The following SORCS2 variants were observed in gnomAD, a reference collection of about 807,000 sequenced individuals.
SORCS2 encodes the protein sortilin related VPS10 domain containing receptor 2.
SORCS2 carries 100 observed loss-of-function variants against 141.6 expected under a neutral mutation model. That is an observed-to-expected ratio of 0.71 (90% CI 0.60 to 0.83). The LOEUF (loss-of-function observed/expected upper bound fraction) is 0.83, where lower values mean the gene tolerates loss of function less well. Among genes scored for constraint, SORCS2 ranks in the 40% least tolerant of loss-of-function variants. SORCS2 has a pLI of 0.00. For missense variants in SORCS2, 1,646 were observed against 1,560.2 expected, an observed-to-expected ratio of 1.05 and a Z score of -0.93; for synonymous variants, 789 against 676.9, an observed-to-expected ratio of 1.17 and a Z score of -2.57.
At chr4:7,399,562 C>G (rs2109121479) in intron 2 of SORCS2, among the ~76,000 whole-genome samples, 1 of 152,222 alleles carries the variant, frequency 6.6e-6, no homozygotes, top group South Asian at 2.1e-4. Context: ...TGATGGGGGT[C>G]TCCTGCTCAA....
At chr4:7,275,513 A>G (rs1248599128) in intron 1 of SORCS2, among the ~76,000 whole-genome samples, 1 of 152,106 alleles carries the variant, frequency 6.6e-6, no homozygotes, top group Non-Finnish European at 1.5e-5. Flanking sequence ...GACTTTGTAG[A>G]GGCTGAATGT....
intron 2 of SORCS2, among the ~76,000 whole-genome samples, chr4:7,418,154 G>A (rs762675159): frequency 2.6e-5 from 4 of 151,952 alleles, no homozygotes; most frequent in Non-Finnish European, 5.9e-5. Context: ...TTTTCTGAGC[G>A]CTCAGCACAT....
intron 1 of SORCS2, among the ~76,000 whole-genome samples, chr4:7,194,621 G>T (rs898000979): frequency 1.3e-5 from 2 of 152,058 alleles, no homozygotes; most frequent in African/African-American, 2.4e-5. Flanking sequence ...GGCAGTCAGG[G>T]TGCCGGCTGG....
intron 3 of SORCS2, among the ~76,000 whole-genome samples, chr4:7,606,090 G>A (rs1320717083): frequency 2.0e-5 from 3 of 152,138 alleles, no homozygotes; most frequent in East Asian, 1.9e-4. Context: ...CTTGAATTCC[G>A]AGCATTGAAC....
intron 18 of SORCS2, among the ~76,000 whole-genome samples, chr4:7,718,850 G>A (rs1405763641): frequency 2.6e-5 from 4 of 152,154 alleles, no homozygotes; most frequent in African/African-American, 9.7e-5. Context: ...AGTCCTCCGT[G>A]GTAACAACTG....
intron 2 of SORCS2, among the ~76,000 whole-genome samples, chr4:7,425,828 C>T (rs1447843926): frequency 6.6e-6 from 1 of 152,244 alleles, no homozygotes; most frequent in Non-Finnish European, 1.5e-5. Context: ...GGCAAGCATC[C>T]CGAGGCAGGG....
At chr4:7,306,308 G>A (rs1717829140) in intron 1 of SORCS2, among the ~76,000 whole-genome samples, 1 of 152,132 alleles carries the variant, frequency 6.6e-6, no homozygotes, top group African/African-American at 2.4e-5. Context: ...GATGGTCCGA[G>A]GGTGGAGGGG....
intron 3 of SORCS2, among the ~76,000 whole-genome samples, chr4:7,539,760 C>T (rs1712436953): frequency 8.7e-6 from 1 of 115,182 alleles, no homozygotes; most frequent in South Asian, 3.7e-4. Context: ...CCCATCCCTG[C>T]TGTGAGGGCC....
chr4:7,665,219 C>G (rs577355902), intron 7 of SORCS2, among the ~76,000 whole-genome samples: 34 of 152,306 alleles, frequency 2.2e-4, no homozygotes, highest in African/African-American at 7.7e-4. Context: ...CTTTCCATGT[C>G]TCAGCCACAC....
intron 3 of SORCS2, among the ~76,000 whole-genome samples, chr4:7,601,909 A>G (rs1717715146): frequency 6.6e-6 from 1 of 152,192 alleles, no homozygotes; most frequent in Non-Finnish European, 1.5e-5. Flanking sequence ...CTGTTTAACA[A>G]AGCACATCTT....
intron 1 of SORCS2, among the ~76,000 whole-genome samples, chr4:7,232,513 C>T (rs1241308886): frequency 1.3e-5 from 2 of 152,188 alleles, no homozygotes; most frequent in African/African-American, 2.4e-5. Context: ...ATCTCTACAG[C>T]CCCCTGGGGT....
intron 3 of SORCS2, among the ~76,000 whole-genome samples, chr4:7,573,968 G>C (rs1202579744): frequency 3.3e-5 from 5 of 152,240 alleles, no homozygotes; most frequent in African/African-American, 4.8e-5. Flanking sequence ...CTTGGTCCCA[G>C]AAATCCTTGG....
chr4:7,489,809 C>A (rs1368866817), intron 2 of SORCS2, among the ~76,000 whole-genome samples: 18 of 152,120 alleles, frequency 1.2e-4, no homozygotes. Context: ...CAGGAAAATA[C>A]TTGTGAGTTG....
chr4:7,305,499 C>T (rs1280009121), intron 1 of SORCS2, among the ~76,000 whole-genome samples: 3 of 152,160 alleles, frequency 2.0e-5, no homozygotes, highest in Admixed American at 6.5e-5. Flanking sequence ...CTCCCCTCTC[C>T]GTCGTCTGCT....
chr4:7,312,942 A>G (rs1241579055), intron 1 of SORCS2, among the ~76,000 whole-genome samples: 1 of 152,240 alleles, frequency 6.6e-6, no homozygotes, highest in African/African-American at 2.4e-5. Context: ...CTGGCTGAGC[A>G]GCGACTGTCC....
intron 1 of SORCS2, among the ~76,000 whole-genome samples, chr4:7,325,165 A>C (rs1213851548): frequency 1.3e-5 from 2 of 152,164 alleles, no homozygotes; most frequent in East Asian, 3.9e-4. Flanking sequence ...TCTGCAGATG[A>C]GGAGGTGCAG....
intron 1 of SORCS2, among the ~76,000 whole-genome samples, chr4:7,199,511 AAGCAGGGGCTCCCTG>A (rs1258685835): frequency 1.3e-5 from 2 of 152,018 alleles, no homozygotes; most frequent in African/African-American, 4.8e-5. Flanking sequence ...CTGTGCTGTG[AAGCAGGGGCTCCCTG>A]AGCAGGGCTC....
chr4:7,570,366 G>A (rs1021312308), intron 3 of SORCS2, among the ~76,000 whole-genome samples: 1 of 152,220 alleles, frequency 6.6e-6, no homozygotes, highest in Admixed American at 6.5e-5. Flanking sequence ...CTCCTGGGAC[G>A]CAGACCCTCC....
intron 1 of SORCS2, among the ~76,000 whole-genome samples, chr4:7,250,566 C>T (rs1330021658): frequency 6.6e-6 from 1 of 152,232 alleles, no homozygotes; most frequent in African/African-American, 2.4e-5. Context: ...ACTACGTTCC[C>T]AGCGTCCCGT....
Sources: allele counts gnomAD v4.1 joint callset (sites outside exome capture counted in the v4.1 genomes callset), GRCh38; gene constraint gnomAD v4.1.1; transcripts MANE v1.5; gene names NCBI Gene and HGNC (gene_info 2026-07-23, HGNC 2026-07-21).